PCDHA3: variants seen among roughly 807,000 people sequenced by gnomAD.
PCDHA3 encodes the protein protocadherin alpha-3.
In PCDHA3, 41 loss-of-function variants were observed where a neutral mutation model predicts 62.2. That is an observed-to-expected ratio of 0.66 (90% CI 0.51 to 0.86). PCDHA3 has a LOEUF of 0.86. Ranked by LOEUF, PCDHA3 falls within the 40% of genes least tolerant of loss-of-function variation. PCDHA3 has a pLI of 0.00. For synonymous variants in PCDHA3, 640 were observed against 555.4 expected, an observed-to-expected ratio of 1.15 and a Z score of -2.14; for missense variants, 1,304 against 1,241.2, an observed-to-expected ratio of 1.05 and a Z score of -0.76.
chr5:140,983,118 A>G (rs1251873984), intron 3 of PCDHA3, among the ~76,000 whole-genome samples: 1 of 152,220 alleles, frequency 6.6e-6, no homozygotes, highest in African/African-American at 2.4e-5. Flanking sequence ...CATCAACAAC[A>G]TTCTGCAGAC....
intron 1 of PCDHA3, chr5:140,870,054 T>G (rs895309313): frequency 1.2e-6 from 2 of 1,613,676 alleles, no homozygotes; most frequent in Non-Finnish European, 8.5e-7. Context: ...TTTATAAAAT[T>G]GAAGTACAGG....
At chr5:140,808,437 G>C in intron 1 of PCDHA3, 1 of 1,614,178 alleles carries the variant, frequency 6.2e-7, no homozygotes, top group Non-Finnish European at 8.5e-7. Context: ...GACCGCGAGA[G>C]CGTGTCAGCC....
intron 1 of PCDHA3, chr5:140,929,032 T>C (rs781951889): frequency 1.9e-6 from 3 of 1,614,236 alleles, no homozygotes; most frequent in East Asian, 2.2e-5. Flanking sequence ...CCCAGGCTGT[T>C]GCGCTCAGAG....
At position 140,841,739 on chromosome 5, in the gene PCDHA3, C is replaced by A. The variant is rs2150321877; in HGVS notation, c.2394+38148C>A. The A allele has an allele frequency of 3.7e-6, 6 of 1,613,880 alleles. No homozygotes were observed. In the South Asian group the frequency reaches 6.6e-5, roughly 18 times the overall value. On this transcript the variant is annotated intron_variant, in intron 1 of 3. Coordinates refer to ENST00000522353, the MANE Select transcript of PCDHA3 (RefSeq NM_018906.3). ...AGTGTTCCGGGTAAAAGACCAAAAG[C>A]TGTTTGTTTCAGAATCCAGAATGCC...
chr5:140,968,357 C>A (rs1554230636), intron 1 of PCDHA3: 2 of 1,614,080 alleles, frequency 1.2e-6, no homozygotes, highest in Non-Finnish European at 1.7e-6. Flanking sequence ...CAGTGGCAGC[C>A]TTTATGCTGT....
chr5:141,009,942 C>T lies in PCDHA3; in HGVS notation c.*5C>T, dbSNP rs782819309. The T allele has an allele frequency of 6.3e-7, 1 of 1,597,438 alleles. No individual in the cohort carries two copies. The highest frequency in any genetic ancestry group is 1.1e-5 in the South Asian group (1 of 87,840). ...ACTGACAACAGTGACCAGTGAGGTCCTCAAATGGAAACAAGCCACTTAGCC... is the reference window on the plus strand; with the variant it reads ...ACTGACAACAGTGACCAGTGAGGTCTTCAAATGGAAACAAGCCACTTAGCC... On this transcript the variant is annotated 3_prime_UTR_variant, in exon 4 of 4. Coordinates refer to ENST00000522353, the MANE Select transcript of PCDHA3 (RefSeq NM_018906.3).
chr5:140,823,595 C>T (rs2150127247), intron 1 of PCDHA3: 2 of 1,614,016 alleles, frequency 1.2e-6, no homozygotes, highest in Non-Finnish European at 1.7e-6. Context: ...GCTTGGCTTT[C>T]GTATGAGCTG....
At chr5:140,924,464 G>A (rs1358240470) in intron 1 of PCDHA3, among the ~76,000 whole-genome samples, 1 of 152,196 alleles carries the variant, frequency 6.6e-6, no homozygotes, top group Non-Finnish European at 1.5e-5. Flanking sequence ...TGTTTAGGGA[G>A]GTAACTGGTT....
chr5:140,928,557 C>G lies in PCDHA3; in HGVS notation c.2395-50392C>G, dbSNP rs556688707. 7 of 1,614,238 alleles carry G rather than the reference C, an allele frequency of 4.3e-6. 1 individual carries two copies. The East Asian group carries it at 1.6e-4, about 36-fold the overall frequency. On this transcript the variant is annotated intron_variant, in intron 1 of 3. Coordinates refer to ENST00000522353, the MANE Select transcript of PCDHA3 (RefSeq NM_018906.3). ...ATAGGAATGACAATTATCCGGTTAT[C>G]TTGTTTCCCTTGCCCAGAAATGGTT...
At chr5:140,823,937 G>A (rs2150130560) in intron 1 of PCDHA3, 19 of 1,613,788 alleles carry the variant, frequency 1.2e-5, no homozygotes, top group Middle Eastern at 1.6e-4. Context: ...ACCGCGCTGC[G>A]GTGCTCGGCG....
chr5:140,891,122 G>T (rs572236105), intron 1 of PCDHA3, among the ~76,000 whole-genome samples: 1 of 152,256 alleles, frequency 6.6e-6, no homozygotes, highest in East Asian at 1.9e-4. Context: ...CAATCTAAAT[G>T]TCATTCCTTT....
chr5:140,801,872 G>C lies in PCDHA3; in HGVS notation c.675G>C (p.Thr225=). ...GTGGGAAACCAGAGCTCACTGGCAC[G>C]ACTCAACTAAAGATCACTGTTTTAG... is the stretch of plus-strand genomic sequence containing the variant. ...IDGGKPELTG[T]TQLKITVLDV... The change falls in exon 1 of 4, where the codon ACG becomes ACC. Residue 225 remains threonine (T), a synonymous_variant. Transcript: ENST00000522353. 6.2e-7 allele frequency: 1 copy of C among 1,614,050 alleles called. No homozygotes were observed. Among genetic ancestry groups the C allele is most frequent in the Non-Finnish European group, 8.5e-7 (1 of 1,180,034 alleles).
intron 1 of PCDHA3, chr5:140,808,790 G>A: frequency 6.2e-7 from 1 of 1,612,616 alleles, no homozygotes; most frequent in African/African-American, 1.3e-5. Flanking sequence ...GCAGTTTCAG[G>A]TGACCGCTCG....
chr5:140,818,309 C>T (rs2150100761), intron 1 of PCDHA3, among the ~76,000 whole-genome samples: 2 of 152,194 alleles, frequency 1.3e-5, no homozygotes, highest in South Asian at 4.1e-4. Flanking sequence ...CCATCTTTTA[C>T]TTTAGGAATT....
chr5:140,870,626 C>G lies in PCDHA3; in HGVS notation c.2394+67035C>G, dbSNP rs782773688. Reference sequence around the variant, plus strand: ...GACCGCGCGCTGTCGAGCTACGTGTCGGTGCACGCGGAGAGCGGCAAGGTG... The same window carrying G: ...GACCGCGCGCTGTCGAGCTACGTGTGGGTGCACGCGGAGAGCGGCAAGGTG... On this transcript the variant is annotated intron_variant, in intron 1 of 3. Coordinates refer to ENST00000522353, the MANE Select transcript of PCDHA3 (RefSeq NM_018906.3). 15 of 1,613,016 alleles carry G rather than the reference C, an allele frequency of 9.3e-6. No individual in the cohort carries two copies. The highest frequency in any genetic ancestry group is 1.1e-5 in the Non-Finnish European group (13 of 1,179,794).
In PCDHA3 at chr5:140,808,936, G is replaced by T. The variant is rs553655178; in HGVS notation, c.2394+5345G>T. The T allele has an allele frequency of 2.5e-5, 40 of 1,613,736 alleles. No individual in the cohort carries two copies. In the South Asian group the frequency reaches 3.4e-4, roughly 14 times the overall value. On this transcript the variant is annotated intron_variant, in intron 1 of 3. Transcript: ENST00000522353. The stretch of plus-strand genomic sequence containing the variant: ...GCGCAGTGAGCGAGCTGGTGCCATG[G>T]TCGGTGGGTGTGGGCCACGTGGTGG...
At chr5:140,906,265 TATAG>T (rs1455952624) in intron 1 of PCDHA3, among the ~76,000 whole-genome samples, 7 of 152,148 alleles carry the variant, frequency 4.6e-5, no homozygotes, top group African/African-American at 1.2e-4. Context: ...CTCCTGAAAT[TATAG>T]ATAATCTTCA....
intron 1 of PCDHA3, chr5:140,860,525 C>T (rs1269714360): frequency 1.3e-5 from 2 of 152,112 alleles, no homozygotes; most frequent in Non-Finnish European, 2.9e-5. Context: ...TCATGGAATT[C>T]TGATTTGTAA....
chr5:140,801,320 T>G lies in PCDHA3; in HGVS notation c.123T>G (p.His41Gln), dbSNP rs200755369. 4.3e-6 allele frequency: 7 copies of G among 1,613,216 alleles called. No homozygotes were observed. In the African/African-American group the frequency reaches 9.3e-5, roughly 22 times the overall value. The change falls in exon 1 of 4, where the codon CAT becomes CAG. Residue 41 changes from histidine (H) to glutamine (Q), a missense_variant. Transcript: ENST00000522353. ...ACTCCGTCTCTGAGGAGGCCAAGCA[T>G]GGCACCTTCGTGGGCCGCATCGCGC... Reference protein sequence around the residue: ...LHYSVSEEAKHGTFVGRIAQD... With the variant: ...LHYSVSEEAKQGTFVGRIAQD...
Sources: allele counts gnomAD v4.1 joint callset (sites outside exome capture counted in the v4.1 genomes callset), GRCh38; gene constraint gnomAD v4.1.1; transcripts MANE v1.5; gene names NCBI Gene and HGNC (gene_info 2026-07-23, HGNC 2026-07-21).